CACNA1E: variants seen among roughly 807,000 people sequenced by gnomAD.
The protein encoded by CACNA1E is calcium voltage-gated channel subunit alpha1 E.
In CACNA1E, 40 loss-of-function variants were observed where a neutral mutation model predicts 259.2. The ratio of observed to expected loss-of-function variants is 0.15; its 90% CI spans 0.12 to 0.20. The LOEUF is 0.20. CACNA1E is among the 10% of genes least tolerant of loss of function. The pLI, the probability that CACNA1E is intolerant of heterozygous loss-of-function variation, is 1.00. For missense variants in CACNA1E, 1,874 were observed against 3,040.1 expected (o/e 0.62, Z 9.02); for synonymous variants, 1,104 against 1,138.5 (o/e 0.97, Z 0.61).
In CACNA1E at chr1:181,644,923, G is replaced by A. The variant is rs377684659; in HGVS notation, c.952-6415G>A. Among the ~76,000 whole-genome samples, 13 of 152,310 alleles carry A rather than the reference G, an allele frequency of 8.5e-5. No individual in the cohort carries two copies. The East Asian group carries it at 2.5e-3, about 29-fold the overall frequency. On this transcript the variant is annotated intron_variant, in intron 6 of 47. Coordinates refer to ENST00000367573, the MANE Select transcript of CACNA1E (RefSeq NM_001205293.3). Reference sequence around the variant, plus strand: ...CAGGGGCAGGAATAACATTCCAGGTGAAGCTGGTCTGTCAGGCAAGGGCAA... The same window carrying A: ...CAGGGGCAGGAATAACATTCCAGGTAAAGCTGGTCTGTCAGGCAAGGGCAA...
At chr1:181,335,941 G>T (rs549295559) in intron 1 of CACNA1E, among the ~76,000 whole-genome samples, 2 of 152,308 alleles carry the variant, frequency 1.3e-5, no homozygotes, top group Non-Finnish European at 2.9e-5. Context: ...AGATCTCATA[G>T]TCCAACTTCT....
chr1:181,758,227 T>C lies in CACNA1E; in HGVS notation c.4494+116T>C, dbSNP rs1365528776. On this transcript the variant is annotated intron_variant, in intron 31 of 47. Transcript: ENST00000367573. This position sits in a 1 kb window ranked among gnomAD's most constrained non-coding sequence, Gnocchi z 4.2. ...CACTGCTTTACCTACTTTTCCATCA[T>C]TGAATCCTTTTGTGATCTTATTTTG... The C allele has an allele frequency of 4.1e-5, 38 of 935,108 alleles. No homozygotes were observed. Among genetic ancestry groups the C allele is most frequent in the Non-Finnish European group, 5.5e-5 (34 of 620,324 alleles). The allele number at this position is 935,108 out of a possible 1,614,324, so 57.9% of individuals were successfully genotyped here.
intron 1 of CACNA1E, among the ~76,000 whole-genome samples, chr1:181,325,758 A>G (rs1045408801): frequency 6.6e-6 from 1 of 152,202 alleles, no homozygotes; most frequent in African/African-American, 2.4e-5. Flanking sequence ...TGAGGGAATC[A>G]GAAGCACCAC....
intron 7 of CACNA1E, among the ~76,000 whole-genome samples, chr1:181,693,457 T>C (rs1651403057): frequency 1.3e-5 from 2 of 152,166 alleles, no homozygotes; most frequent in Admixed American, 6.6e-5. Context: ...ATATACACCA[T>C]GGAATACTAT....
rs1348405478 is a variant in CACNA1E, at chr1:181,732,437, A to G, written c.2351A>G (p.Gln784Arg). 35 of 1,548,424 alleles carry G rather than the reference A, an allele frequency of 2.3e-5. No homozygotes were observed. The highest frequency in any genetic ancestry group is 3.1e-5 in the Non-Finnish European group (35 of 1,145,590). Residue 784 changes from glutamine (Q) to arginine (R), a missense_variant, in exon 20 of 48, where the codon CAG becomes CGG. Gln to Arg is a conservative substitution (Grantham distance 43). Transcript: ENST00000367573. The surrounding 1 kb of genome is among the most constrained non-coding windows in gnomAD (Gnocchi z 5.5). ...HMSVWEQRTS[Q>R]LRKHMQMSSQ... ...TCCGTGTGGGAGCAGCGTACCAGCC[A>G]GCTGAGGAAGCACATGCAGATGTCC... is the stretch of plus-strand genomic sequence containing the variant.
intron 7 of CACNA1E, among the ~76,000 whole-genome samples, chr1:181,707,303 C>G (rs1652884544): frequency 6.6e-6 from 1 of 152,178 alleles, no homozygotes; most frequent in Non-Finnish European, 1.5e-5. Flanking sequence ...CTTCTTTTAG[C>G]CAAGAGGCTT....
intron 12 of CACNA1E, among the ~76,000 whole-genome samples, chr1:181,718,568 T>C (rs1654120379): frequency 1.3e-5 from 2 of 151,312 alleles, no homozygotes; most frequent in African/African-American, 4.9e-5. Context: ...TTTTTCTACT[T>C]CAGTTTAAAA....
intron 35 of CACNA1E, among the ~76,000 whole-genome samples, chr1:181,769,253 C>G (rs549693027): frequency 2.0e-5 from 3 of 151,958 alleles, no homozygotes; most frequent in East Asian, 1.9e-4. Context: ...AATCTATACT[C>G]TCATGAGATT....
At chr1:181,667,174 A>G (rs1475005927) in intron 7 of CACNA1E, among the ~76,000 whole-genome samples, 1 of 152,186 alleles carries the variant, frequency 6.6e-6, no homozygotes, top group Admixed American at 6.5e-5. Flanking sequence ...TGATAAAAAG[A>G]TGATTGATAA....
At chr1:181,598,354 G>A (rs1653407338) in intron 6 of CACNA1E, among the ~76,000 whole-genome samples, 1 of 152,102 alleles carries the variant, frequency 6.6e-6, no homozygotes, top group African/African-American at 2.4e-5. Context: ...ATTGCTGTGG[G>A]GTATAAAGGC....
chr1:181,585,074 T>C (rs1307117598), intron 6 of CACNA1E, among the ~76,000 whole-genome samples: 1 of 152,164 alleles, frequency 6.6e-6, no homozygotes, highest in Admixed American at 6.5e-5. Context: ...TGCATGAGTC[T>C]GGGATCCTGT....
At chr1:181,750,955 A>G (rs1244794529) in intron 26 of CACNA1E, among the ~76,000 whole-genome samples, 1 of 150,142 alleles carries the variant, frequency 6.7e-6, no homozygotes, top group Non-Finnish European at 1.5e-5. Flanking sequence ...GAAAGAATGG[A>G]TGGACTTTTA....
At position 181,519,077 on chromosome 1, in the gene CACNA1E, C is replaced by T. The variant is rs150188979; in HGVS notation, c.512+7567C>T. 1.1e-3 allele frequency among the ~76,000 whole-genome samples: 165 copies of T among 152,234 alleles called. 1 individual carries two copies. Among genetic ancestry groups the T allele is most frequent in the Non-Finnish European group, 1.7e-3 (116 of 68,024 alleles). ...GCTCTCATTTGAAGGCAGTTAAACT[C>T]GTGCATTCTTGTGCTTGTGCATGAG... On this transcript the variant is annotated intron_variant, in intron 3 of 47. Transcript: ENST00000367573.
chr1:181,664,514 A>G (rs1648015845), intron 7 of CACNA1E, among the ~76,000 whole-genome samples: 1 of 152,222 alleles, frequency 6.6e-6, no homozygotes, highest in Non-Finnish European at 1.5e-5. Flanking sequence ...ACACCCTGAA[A>G]TTGCCCTGTA....
intron 3 of CACNA1E, among the ~76,000 whole-genome samples, chr1:181,559,123 C>T (rs1558126177): frequency 6.6e-6 from 1 of 152,158 alleles, no homozygotes; most frequent in Non-Finnish European, 1.5e-5. Flanking sequence ...TCAGTGGAGA[C>T]AGCCTGAATC....
intron 2 of CACNA1E, among the ~76,000 whole-genome samples, chr1:181,441,569 G>C (rs1275745020): frequency 6.6e-6 from 1 of 152,224 alleles, no homozygotes; most frequent in Non-Finnish European, 1.5e-5. Flanking sequence ...GAAATTCCAA[G>C]TTTGCTCTGT....
At chr1:181,733,205 C>G (rs934056806) in intron 20 of CACNA1E, among the ~76,000 whole-genome samples, 171 bp downstream of exon 20, 1 of 152,222 alleles carries the variant, frequency 6.6e-6, no homozygotes, top group African/African-American at 2.4e-5. Context: ...CTCTGTCCCC[C>G]CAAAAACGAG....
Position 181,717,173 on chromosome 1 carries a change from C to G in CACNA1E, c.1396C>G (p.Arg466Gly), listed in dbSNP as rs2102461429. ...SYFRHKERLL[R>G]ISIRHMVKSQ... ...TTTCCGGCACAAGGAAAGGCTTCTG[C>G]GCATCTCCATTCGCCACATGGTTAA... is the stretch of plus-strand genomic sequence containing the variant. Residue 466 changes from arginine (R) to glycine (G), a missense_variant, in exon 11 of 48, where the codon CGC becomes GGC. Transcript: ENST00000367573. 1 of 1,614,000 alleles carries G rather than the reference C, an allele frequency of 6.2e-7. No homozygotes were observed. Among genetic ancestry groups the G allele is most frequent in the Non-Finnish European group, 8.5e-7 (1 of 1,179,850 alleles).
intron 1 of CACNA1E, among the ~76,000 whole-genome samples, chr1:181,395,187 C>T (rs953874222): frequency 6.6e-6 from 1 of 152,010 alleles, no homozygotes; most frequent in Admixed American, 6.5e-5. Flanking sequence ...AGAAGTGACT[C>T]GATCTTTTTA....
Sources: allele counts gnomAD v4.1 joint callset (sites outside exome capture counted in the v4.1 genomes callset), GRCh38; gene constraint gnomAD v4.1.1; non-coding constraint Gnocchi (gnomAD v3.1); transcripts MANE v1.5; gene names NCBI Gene and HGNC (gene_info 2026-07-23, HGNC 2026-07-21).